Variants in SAMD4A observed in about 807,000 individuals in gnomAD.
The protein encoded by SAMD4A is protein Smaug homolog 1.
A neutral mutation model predicts 81.3 loss-of-function variants in SAMD4A; 33 were observed. The observed-to-expected ratio is 0.41, with a 90% confidence interval of 0.31 to 0.54. SAMD4A has a LOEUF of 0.54. SAMD4A is among the 20% of genes least tolerant of loss of function. The pLI is 0.37. For missense variants in SAMD4A, 854 were observed against 951.1 expected (o/e 0.90, Z 1.34); for synonymous variants, 389 against 382.1 (o/e 1.02, Z -0.21).
Position 54,776,611 on chromosome 14 carries a change from C to T in SAMD4A, c.2044+71C>T, listed in dbSNP as rs749850286. 1.2e-3 allele frequency: 1,692 copies of T among 1,422,812 alleles called. 2 individuals are homozygous for T. Among genetic ancestry groups the T allele is most frequent in the Non-Finnish European group, 1.4e-3 (1,534 of 1,084,530 alleles). The allele number at this position is 1,422,812 out of a possible 1,614,324, so 88.1% of individuals were successfully genotyped here. ...AAATAGATGCCCTAGCAAACCCAGCCAGAAAGTGCTTAGCCTCGACTGTCA... is the reference window on the plus strand; with the variant it reads ...AAATAGATGCCCTAGCAAACCCAGCTAGAAAGTGCTTAGCCTCGACTGTCA... On this transcript the variant is annotated intron_variant, in intron 11 of 12. Transcript: ENST00000554335.
chr14:54,657,944 T>C (rs752370656), intron 2 of SAMD4A, among the ~76,000 whole-genome samples: 11 of 152,334 alleles, frequency 7.2e-5, no homozygotes, highest in Admixed American at 1.3e-4. Context: ...AGCTCAACTT[T>C]AGGTTCTAGG....
At chr14:54,758,465 C>A (rs966636873) in intron 6 of SAMD4A, among the ~76,000 whole-genome samples, 1 of 152,202 alleles carries the variant, frequency 6.6e-6, no homozygotes, top group African/African-American at 2.4e-5. Context: ...AAGAGATGAC[C>A]CCAGGAATGG....
intron 2 of SAMD4A, among the ~76,000 whole-genome samples, chr14:54,616,452 G>A (rs1383993947): frequency 3.9e-5 from 6 of 152,090 alleles, no homozygotes; most frequent in African/African-American, 7.2e-5. Flanking sequence ...TGAGGACTTC[G>A]TATCATTGTA....
chr14:54,758,567 C>T (rs930923857), intron 6 of SAMD4A, among the ~76,000 whole-genome samples: 144 of 152,320 alleles, frequency 9.5e-4, no homozygotes, highest in African/African-American at 3.2e-3. Context: ...TGGTGGCTCA[C>T]GCCTGTAATC....
At chr14:54,673,063 T>C (rs2035918910) in intron 2 of SAMD4A, among the ~76,000 whole-genome samples, 1 of 152,208 alleles carries the variant, frequency 6.6e-6, no homozygotes, top group Non-Finnish European at 1.5e-5. Context: ...TATTTGTAAA[T>C]GATGGGAAGT....
At chr14:54,624,391 C>G (rs1361368232) in intron 2 of SAMD4A, among the ~76,000 whole-genome samples, 1 of 152,258 alleles carries the variant, frequency 6.6e-6, no homozygotes, top group Non-Finnish European at 1.5e-5. Flanking sequence ...GTATATTTCT[C>G]TTTCGGAACC....
chr14:54,573,598 A>G (rs1216273168), intron 2 of SAMD4A, among the ~76,000 whole-genome samples: 2 of 152,154 alleles, frequency 1.3e-5, no homozygotes, highest in Non-Finnish European at 2.9e-5. Context: ...TTTCCTTTTT[A>G]AAATATACAA....
chr14:54,653,997 G>A (rs902808103), intron 2 of SAMD4A, among the ~76,000 whole-genome samples: 6 of 152,196 alleles, frequency 3.9e-5, no homozygotes, highest in African/African-American at 1.4e-4. Context: ...GAGCAACTGA[G>A]TCTTCAGTGT....
At chr14:54,688,133 T>C (rs1594812986) in intron 2 of SAMD4A, 3 of 985,464 alleles carry the variant, frequency 3.0e-6, no homozygotes, top group East Asian at 2.3e-4. Context: ...CTCAGCTCCG[T>C]ATAACCTGGA....
chr14:54,589,554 C>T (rs1472646519), intron 2 of SAMD4A, among the ~76,000 whole-genome samples: 2 of 152,130 alleles, frequency 1.3e-5, no homozygotes. Context: ...GTGTGGGAAG[C>T]ACGTATGTCT....
At chr14:54,574,005 A>T (rs2033211155) in intron 2 of SAMD4A, among the ~76,000 whole-genome samples, 1 of 152,236 alleles carries the variant, frequency 6.6e-6, no homozygotes, top group African/African-American at 2.4e-5. Context: ...CAATCAAATG[A>T]TTCAGTGGTT....
At chr14:54,704,383 T>C (rs2036799592) in intron 3 of SAMD4A, among the ~76,000 whole-genome samples, 1 of 152,248 alleles carries the variant, frequency 6.6e-6, no homozygotes, top group African/African-American at 2.4e-5. Context: ...TGGTCTTTTG[T>C]ATTTTAAACA....
intron 6 of SAMD4A, among the ~76,000 whole-genome samples, chr14:54,758,050 G>A (rs895374161): frequency 1.3e-5 from 2 of 152,206 alleles, no homozygotes; most frequent in Non-Finnish European, 2.9e-5. Flanking sequence ...CCTGACTCCT[G>A]CAGAGACATC....
At chr14:54,722,881 C>T (rs756682501) in intron 3 of SAMD4A, among the ~76,000 whole-genome samples, 3 of 152,120 alleles carry the variant, frequency 2.0e-5, no homozygotes, top group Non-Finnish European at 2.9e-5. Flanking sequence ...TCCCTCAGGA[C>T]GAACTCTATT....
rs80087488 is a variant in SAMD4A, at chr14:54,593,396, C to G, written c.196+25284C>G. ...TTATTTGTCATTTTCTTTTCTCCAT[C>G]CATCAACTATTTCTTGTGTTAGCCA... On this transcript the variant is annotated intron_variant, in intron 2 of 12. Transcript: ENST00000554335. 3.8e-3 allele frequency among the ~76,000 whole-genome samples: 571 copies of G among 152,264 alleles called. 31 individuals carry two copies. In the East Asian group the frequency reaches 0.099, roughly 27 times the overall value.
rs12588028 is a variant in SAMD4A at position 54,655,543 on chromosome 14, C to T, written c.197-46519C>T. ...GGTCGGGAGTTCGAGACCAGCCCGA[C>T]CAACATGGAAAAACCCCGTCTCTAC... is the stretch of plus-strand genomic sequence containing the variant. On this transcript the variant is annotated intron_variant, in intron 2 of 12. Coordinates refer to ENST00000554335, the MANE Select transcript of SAMD4A (RefSeq NM_015589.6). 2.8e-3 allele frequency among the ~76,000 whole-genome samples: 427 copies of T among 151,290 alleles called. 9 individuals carry two copies. In the East Asian group the frequency reaches 0.072, roughly 26 times the overall value.
intron 2 of SAMD4A, among the ~76,000 whole-genome samples, chr14:54,590,978 C>T (rs1202261396): frequency 1.3e-5 from 2 of 152,206 alleles, no homozygotes; most frequent in Non-Finnish European, 2.9e-5. Context: ...TTTCTTATCT[C>T]AGACTTTTCC....
At chr14:54,695,954 A>AG (rs1491428673) in intron 2 of SAMD4A, among the ~76,000 whole-genome samples, 63 of 68,736 alleles carry the variant, frequency 9.2e-4, no homozygotes, top group Non-Finnish European at 1.8e-3. Flanking sequence ...TCCATCTCAG[A>AG]AAAAAAAAAA....
intron 9 of SAMD4A, 124 bp downstream of exon 9, chr14:54,770,346 G>A (rs1006392327): frequency 1.4e-5 from 10 of 696,178 alleles, no homozygotes; most frequent in African/African-American, 8.9e-5. Flanking sequence ...GCCCTGTGGC[G>A]AGTTCCAAAT....
Sources: gnomAD v4.1 joint callset for allele counts (sites outside exome capture counted in the v4.1 genomes callset) on GRCh38, gnomAD v4.1.1 for gene constraint, MANE v1.5 for transcripts, NCBI Gene and HGNC (gene_info 2026-07-23, HGNC 2026-07-21) for gene names.